Variants in FILIP1L observed in about 807,000 individuals in gnomAD.
FILIP1L encodes filamin A interacting protein 1 like, also known as filamin A-interacting protein 1-like.
Under a neutral mutation model 96.6 loss-of-function variants are expected in FILIP1L, and 55 were observed. That is an observed-to-expected ratio of 0.57 (90% confidence interval 0.46 to 0.71). The LOEUF (loss-of-function observed/expected upper bound fraction) is 0.71, where lower values mean the gene tolerates loss of function less well. FILIP1L is among the 30% of genes least tolerant of loss of function. The probability of loss-of-function intolerance (pLI) is 0.00; values close to 1 mark genes in which losing one functional copy is unlikely to be tolerated. For missense variants in FILIP1L, 1,304 were observed against 1,321.2 expected, an observed-to-expected ratio of 0.99 and a Z score of 0.20; for synonymous variants, 467 against 473.9, an observed-to-expected ratio of 0.99 and a Z score of 0.19.
intron 1 of FILIP1L, among the ~76,000 whole-genome samples, chr3:100,037,095 A>T (rs984062351): frequency 2.0e-5 from 3 of 151,916 alleles, no homozygotes; most frequent in Non-Finnish European, 2.9e-5. Context: ...AGGAAATGCA[A>T]ACAGAACAGT....
intron 1 of FILIP1L, among the ~76,000 whole-genome samples, chr3:100,102,479 T>A (rs2066326694): frequency 6.6e-6 from 1 of 152,228 alleles, no homozygotes; most frequent in South Asian, 2.1e-4. Context: ...TTTCTGCTTC[T>A]CCACAGGTGT....
chr3:99,868,049 T>C (rs1944607362), intron 4 of FILIP1L, among the ~76,000 whole-genome samples: 1 of 152,222 alleles, frequency 6.6e-6, no homozygotes, highest in Admixed American at 6.5e-5. Flanking sequence ...GCCCAGGTTG[T>C]AAAGATTTGT....
chr3:99,977,804 G>A (rs1709014216), intron 1 of FILIP1L, among the ~76,000 whole-genome samples: 2 of 152,016 alleles, frequency 1.3e-5, no homozygotes, highest in South Asian at 4.2e-4. Context: ...TTTGTCTGAT[G>A]GCCTAAACCT....
chr3:99,859,020 C>T (rs1944110316), intron 4 of FILIP1L, among the ~76,000 whole-genome samples: 2 of 152,246 alleles, frequency 1.3e-5, no homozygotes, highest in Admixed American at 1.3e-4. Context: ...GGGAGATTCT[C>T]TGCCTTCAAA....
chr3:99,982,661 T>A lies in FILIP1L; in HGVS notation c.-10-51631A>T, dbSNP rs182288906. On this transcript the variant is annotated intron_variant, in intron 1 of 5. Coordinates refer to ENST00000477258, the MANE Select transcript of FILIP1L (RefSeq NM_001387850.1). ...GCCTGGCCCATTCAGCTAACTTTTTTAAAGTATTTTTGAATCACTGAAGTG... is the reference window on the plus strand; with the variant it reads ...GCCTGGCCCATTCAGCTAACTTTTTAAAAGTATTTTTGAATCACTGAAGTG... Among the ~76,000 whole-genome samples the A allele has an allele frequency of 2.5e-3, 387 of 152,240 alleles. 1 individual carries two copies. The highest frequency in any genetic ancestry group is 8.6e-3 in the African/African-American group (357 of 41,544).
chr3:100,111,691 A>G (rs2066493769), intron 1 of FILIP1L, among the ~76,000 whole-genome samples: 1 of 152,146 alleles, frequency 6.6e-6, no homozygotes, highest in Admixed American at 6.5e-5. Flanking sequence ...AGGCTATAAT[A>G]CAAATTTTCT....
chr3:99,926,142 T>C (rs1325685582), intron 3 of FILIP1L, among the ~76,000 whole-genome samples: 1 of 152,204 alleles, frequency 6.6e-6, no homozygotes, highest in Non-Finnish European at 1.5e-5. Flanking sequence ...CTAAAAAGCA[T>C]GTACTTGACT....
chr3:99,838,397 G>A (rs1341724492), intron 5 of FILIP1L, among the ~76,000 whole-genome samples: 1 of 152,174 alleles, frequency 6.6e-6, no homozygotes, highest in African/African-American at 2.4e-5. Flanking sequence ...CAGAAGAGGC[G>A]AGCATTGATA....
chr3:100,044,911 A>G (rs997082317), intron 1 of FILIP1L, among the ~76,000 whole-genome samples: 1 of 152,212 alleles, frequency 6.6e-6, no homozygotes, highest in Non-Finnish European at 1.5e-5. Flanking sequence ...ATTGCAGAAT[A>G]GTAGTGTCTC....
At chr3:99,988,728 C>A (rs1159335916) in intron 1 of FILIP1L, among the ~76,000 whole-genome samples, 1 of 152,052 alleles carries the variant, frequency 6.6e-6, no homozygotes, top group Non-Finnish European at 1.5e-5. Flanking sequence ...ATAAAAAAAG[C>A]ATTGTCTGGA....
At chr3:100,016,794 A>G (rs1334834018) in intron 1 of FILIP1L, among the ~76,000 whole-genome samples, 1 of 152,210 alleles carries the variant, frequency 6.6e-6, no homozygotes, top group Non-Finnish European at 1.5e-5. Flanking sequence ...TAAAGCAGAC[A>G]TTTCCTTTAT....
chr3:99,907,005 T>A (rs1285001085), intron 4 of FILIP1L, among the ~76,000 whole-genome samples: 3 of 152,228 alleles, frequency 2.0e-5, no homozygotes, highest in Non-Finnish European at 2.9e-5. Flanking sequence ...ATTTAAATAA[T>A]GTTTAGATAA....
intron 1 of FILIP1L, among the ~76,000 whole-genome samples, chr3:100,019,068 G>C (rs1225009522): frequency 2.0e-5 from 3 of 152,216 alleles, no homozygotes; most frequent in African/African-American, 7.2e-5. Context: ...GTGAGGAAGA[G>C]AGAACCCTTA....
intron 1 of FILIP1L, among the ~76,000 whole-genome samples, chr3:100,021,899 T>G (rs1179945533): frequency 6.7e-6 from 1 of 149,308 alleles, no homozygotes; most frequent in Non-Finnish European, 1.5e-5. Context: ...TAGAATAGCT[T>G]GGATGCTAGA....
At chr3:100,048,499 G>T (rs991435582) in intron 1 of FILIP1L, among the ~76,000 whole-genome samples, 9 of 152,180 alleles carry the variant, frequency 5.9e-5, no homozygotes, top group African/African-American at 2.2e-4. Flanking sequence ...ATCTCAGTCA[G>T]AGCCCACCCT....
At chr3:99,913,695 T>C (rs1364544690) in intron 4 of FILIP1L, among the ~76,000 whole-genome samples, 1 of 152,202 alleles carries the variant, frequency 6.6e-6, no homozygotes, top group African/African-American at 2.4e-5. Context: ...TCATGGTGGA[T>C]TATCTTTGAG....
chr3:100,042,260 A>G (rs1320158265), intron 1 of FILIP1L, among the ~76,000 whole-genome samples: 1 of 152,232 alleles, frequency 6.6e-6, no homozygotes, highest in Non-Finnish European at 1.5e-5. Flanking sequence ...AGAATGATCC[A>G]GTCACAGAGC....
chr3:99,968,109 T>G (rs1420916263), intron 1 of FILIP1L, among the ~76,000 whole-genome samples: 1 of 152,126 alleles, frequency 6.6e-6, no homozygotes. Context: ...GTAAAGGCAG[T>G]GATCAAGGGC....
At chr3:100,059,261 T>G in intron 1 of FILIP1L, among the ~76,000 whole-genome samples, 1 of 152,238 alleles carries the variant, frequency 6.6e-6, no homozygotes, top group East Asian at 1.9e-4. Flanking sequence ...CTCTTAATTT[T>G]CTTTTTCCTT....
Sources: gnomAD v4.1 joint callset for allele counts (sites outside exome capture counted in the v4.1 genomes callset) on GRCh38, gnomAD v4.1.1 for gene constraint, MANE v1.5 for transcripts, NCBI Gene and HGNC (gene_info 2026-07-23, HGNC 2026-07-21) for gene names.